NXPE2: variants seen among roughly 807,000 people sequenced by gnomAD.
NXPE2 encodes neurexophilin and PC-esterase domain family member 2, also known as NXPE family member 2.
A neutral mutation model predicts 34.4 loss-of-function variants in NXPE2; 34 were observed. That is an observed-to-expected ratio of 0.99 (90% confidence interval 0.75 to 1.31). The LOEUF (loss-of-function observed/expected upper bound fraction) is 1.31. NXPE2 is among the 40% of genes most tolerant of loss of function. NXPE2 has a pLI of 0.00. For synonymous variants in NXPE2, 235 were observed against 231.3 expected (o/e 1.02, Z -0.15); for missense variants, 649 against 672.5 (o/e 0.97, Z 0.39).
At chr11:114,773,400 C>G in the NXPE2 span, among the ~76,000 whole-genome samples, 2 of 151,698 alleles carry the variant, frequency 1.3e-5, no homozygotes, top group African/African-American at 4.8e-5. Context: ...GCCCCTTTGC[C>G]CTTGACTCAA....
At chr11:114,755,336 T>C in the NXPE2 span, among the ~76,000 whole-genome samples, 1 of 152,230 alleles carries the variant, frequency 6.6e-6, no homozygotes, top group Non-Finnish European at 1.5e-5. Flanking sequence ...CTCTGTGAAC[T>C]ACCAGACATC....
chr11:114,706,246 G>T (rs1479094629), intron 5 of NXPE2, 149 bp from the exon 6 acceptor site: 5 of 604,110 alleles, frequency 8.3e-6, no homozygotes, highest in Middle Eastern at 4.6e-4. Context: ...TGTTAAGATT[G>T]TAATGCACCT....
chr11:114,763,063 A>G, the NXPE2 span, among the ~76,000 whole-genome samples: 1 of 152,124 alleles, frequency 6.6e-6, no homozygotes, highest in Non-Finnish European at 1.5e-5. Context: ...TTCCTCAACT[A>G]GCCTTTGATA....
the NXPE2 span, chr11:114,530,887 A>G: frequency 6.2e-6 from 10 of 1,611,818 alleles, no homozygotes; most frequent in Admixed American, 3.3e-5. Flanking sequence ...ACAGAGATGG[A>G]TAAGTTTAGA....
At chr11:114,713,929 A>C in the NXPE2 span, among the ~76,000 whole-genome samples, 169 of 152,338 alleles carry the variant, frequency 1.1e-3, no homozygotes, top group African/African-American at 3.9e-3. Context: ...AGATGCAAAA[A>C]GTCATCAAGT....
At chr11:114,521,817 G>T in the NXPE2 span, 1 of 603,022 alleles carries the variant, frequency 1.7e-6, no homozygotes, top group Non-Finnish European at 2.9e-6. Context: ...TCCCTTATCA[G>T]TTGTCATTGT....
chr11:114,634,316 T>C, the NXPE2 span, among the ~76,000 whole-genome samples: 1 of 152,140 alleles, frequency 6.6e-6, no homozygotes, highest in Non-Finnish European at 1.5e-5. Context: ...AGTTGTTTGT[T>C]ATTTTCTTGT....
chr11:114,578,542 T>C, the NXPE2 span, among the ~76,000 whole-genome samples: 2,854 of 152,258 alleles, frequency 0.019, 73 homozygotes, highest in African/African-American at 0.064. Flanking sequence ...CTTCCTTCCA[T>C]TGAGAATTTT....
At chr11:114,720,724 A>G in the NXPE2 span, among the ~76,000 whole-genome samples, 1 of 152,250 alleles carries the variant, frequency 6.6e-6, no homozygotes, top group Admixed American at 6.5e-5. Flanking sequence ...AAAATATGTT[A>G]TCAAAATTAA....
At chr11:114,778,470 G>T in the NXPE2 span, among the ~76,000 whole-genome samples, 1 of 152,212 alleles carries the variant, frequency 6.6e-6, no homozygotes, top group East Asian at 1.9e-4. Flanking sequence ...GCTCCAGTGG[G>T]CAAGAAGGAA....
At chr11:114,620,267 C>A in the NXPE2 span, among the ~76,000 whole-genome samples, 1 of 151,758 alleles carries the variant, frequency 6.6e-6, no homozygotes, top group Admixed American at 6.6e-5. Flanking sequence ...TGGGTAACTA[C>A]GGTTACCCGG....
chr11:114,520,880 T>G, the NXPE2 span, among the ~76,000 whole-genome samples: 1 of 152,252 alleles, frequency 6.6e-6, no homozygotes, highest in African/African-American at 2.4e-5. Flanking sequence ...TCAAATCATG[T>G]AGGACATAAT....
the NXPE2 span, among the ~76,000 whole-genome samples, chr11:114,721,258 T>G: frequency 1.3e-5 from 2 of 150,112 alleles, no homozygotes; most frequent in South Asian, 4.2e-4. Context: ...TTTTTTTTTT[T>G]GTAAATATTC....
the NXPE2 span, among the ~76,000 whole-genome samples, chr11:114,573,243 A>G: frequency 1.3e-5 from 2 of 152,166 alleles, no homozygotes; most frequent in Non-Finnish European, 2.9e-5. Context: ...GCACACCAAA[A>G]TAGAACCTCC....
chr11:114,706,349 A>G (rs576311467), intron 5 of NXPE2, 46 bp from the exon 6 acceptor site: 162 of 1,430,982 alleles, frequency 1.1e-4, no homozygotes, highest in Non-Finnish European at 1.5e-4. Flanking sequence ...TTAAAGTTAT[A>G]TCATTTTCCT....
downstream of NXPE2, among the ~76,000 whole-genome samples, chr11:114,709,459 A>G (rs1859569060): frequency 1.3e-5 from 2 of 152,226 alleles, no homozygotes; most frequent in African/African-American, 4.8e-5. Context: ...TTTTGGCTTA[A>G]GGTGATAGCT....
At chr11:114,583,029 G>A in the NXPE2 span, 1 of 1,598,000 alleles carries the variant, frequency 6.3e-7, no homozygotes, top group South Asian at 1.1e-5. Context: ...AACCTGAAAT[G>A]ACAGCAAATG....
the NXPE2 span, among the ~76,000 whole-genome samples, chr11:114,644,196 T>C: frequency 6.6e-6 from 1 of 152,166 alleles, no homozygotes; most frequent in African/African-American, 2.4e-5. Context: ...TCATGGCATC[T>C]GCAAACAGAG....
the NXPE2 span, among the ~76,000 whole-genome samples, chr11:114,526,096 C>T: frequency 6.6e-6 from 1 of 152,098 alleles, no homozygotes; most frequent in Non-Finnish European, 1.5e-5. Context: ...AAAACTTGAC[C>T]CTCTGCTGTG....
Sources: allele counts gnomAD v4.1 joint callset (sites outside exome capture counted in the v4.1 genomes callset), GRCh38; gene constraint gnomAD v4.1.1; transcripts MANE v1.5; gene names NCBI Gene and HGNC (gene_info 2026-07-23, HGNC 2026-07-21).